Variants in LDLRAD4 observed in about 807,000 individuals in gnomAD.
LDLRAD4 encodes the protein low density lipoprotein receptor class A domain containing 4.
In LDLRAD4, 5 loss-of-function variants were observed where a neutral mutation model predicts 17.0. The observed-to-expected ratio is 0.29, with a 90% CI of 0.15 to 0.62. LDLRAD4 has a LOEUF of 0.62. Ranked by LOEUF, LDLRAD4 falls within the 20% of genes least tolerant of loss-of-function variation. The probability of loss-of-function intolerance (pLI) is 0.84; values close to 1 mark genes in which losing one functional copy is unlikely to be tolerated. For missense variants in LDLRAD4, 340 were observed against 424.7 expected, an observed-to-expected ratio of 0.80 and a Z score of 1.75; for synonymous variants, 168 against 171.8, an observed-to-expected ratio of 0.98 and a Z score of 0.17.
At chr18:13,262,475 G>A (rs2043922871) in intron 1 of LDLRAD4, among the ~76,000 whole-genome samples, 1 of 137,142 alleles carries the variant, frequency 7.3e-6, no homozygotes, top group Non-Finnish European at 1.5e-5. Flanking sequence ...CGTGGGGGCT[G>A]AGTCCCGTGC....
intron 1 of LDLRAD4, among the ~76,000 whole-genome samples, chr18:13,234,701 G>T (rs138601046): frequency 1.9e-3 from 288 of 152,306 alleles, no homozygotes; most frequent in African/African-American, 6.4e-3. Flanking sequence ...AGCAGTGAGA[G>T]AGATGAGCCG....
intron 3 of LDLRAD4, among the ~76,000 whole-genome samples, chr18:13,545,690 C>G (rs150101674): frequency 6.6e-6 from 1 of 152,104 alleles, no homozygotes; most frequent in Non-Finnish European, 1.5e-5. Flanking sequence ...GGGAAACTGG[C>G]GGGGCAGGAA....
At chr18:13,588,893 C>T (rs78854413) in intron 3 of LDLRAD4, among the ~76,000 whole-genome samples, 4,017 of 151,710 alleles carry the variant, frequency 0.026, 102 homozygotes, top group African/African-American at 0.068. Flanking sequence ...TCATCTAGCA[C>T]TCTGCCATCT....
chr18:13,643,366 G>T, exon 5 of LDLRAD4: 1 of 1,451,082 alleles, frequency 6.9e-7, no homozygotes, highest in Non-Finnish European at 9.1e-7. Flanking sequence ...CAGGAAGGGT[G>T]CCTGTGGCCT....
At chr18:13,492,295 C>T (rs757807732) in intron 3 of LDLRAD4, among the ~76,000 whole-genome samples, 4 of 152,234 alleles carry the variant, frequency 2.6e-5, no homozygotes, top group African/African-American at 4.8e-5. Flanking sequence ...CCCCTATTCC[C>T]GGGCTGTTGA....
intron 1 of LDLRAD4, among the ~76,000 whole-genome samples, chr18:13,331,429 G>T (rs1414356192): frequency 6.6e-6 from 1 of 152,080 alleles, no homozygotes; most frequent in African/African-American, 2.4e-5. Context: ...GATGTTAAAA[G>T]AAAAAGAAAG....
At chr18:13,611,979 G>A (rs1472252958) in intron 3 of LDLRAD4, 18 of 985,322 alleles carry the variant, frequency 1.8e-5, no homozygotes, top group Non-Finnish European at 2.2e-5. Flanking sequence ...GCTCCCAGCC[G>A]GGCGAGCACG....
rs189378999 is a variant in LDLRAD4 at position 13,349,400 on chromosome 18, A to G, written c.-382-37941A>G. On this transcript the variant is annotated intron_variant, in intron 1 of 5. Coordinates refer to ENST00000359446, the Ensembl canonical transcript of LDLRAD4. ...TGTCTTTTAAGTCCTTTAGAAGAAT[A>G]AAAAGTGGAGTTACAGACCAAAATT... 2.1e-3 allele frequency among the ~76,000 whole-genome samples: 325 copies of G among 152,344 alleles called. 7 individuals carry two copies. Among genetic ancestry groups the G allele is most frequent in the Admixed American group, 0.015 (226 of 15,304 alleles).
chr18:13,305,083 C>T (rs912902288), intron 1 of LDLRAD4, among the ~76,000 whole-genome samples: 13 of 151,256 alleles, frequency 8.6e-5, no homozygotes, highest in African/African-American at 2.7e-4. Flanking sequence ...ATATGAATCT[C>T]GTAGCCTAGA....
chr18:13,254,033 A>T (rs1028150525), intron 1 of LDLRAD4, among the ~76,000 whole-genome samples: 2 of 152,190 alleles, frequency 1.3e-5, no homozygotes, highest in Non-Finnish European at 2.9e-5. Context: ...GTCAATGCAG[A>T]CCTGCTGCTG....
chr18:13,479,184 C>T (rs2093022902), intron 3 of LDLRAD4, among the ~76,000 whole-genome samples: 1 of 152,036 alleles, frequency 6.6e-6, no homozygotes, highest in Non-Finnish European at 1.5e-5. Flanking sequence ...TAGAAGATAA[C>T]ATAGGAGAAA....
At chr18:13,290,315 G>A (rs1315206971) in intron 1 of LDLRAD4, among the ~76,000 whole-genome samples, 1 of 152,172 alleles carries the variant, frequency 6.6e-6, no homozygotes. Flanking sequence ...TAAAATGTTT[G>A]GCTTGCAGAT....
chr18:13,408,794 T>C (rs1485764222), intron 2 of LDLRAD4, among the ~76,000 whole-genome samples: 1 of 152,198 alleles, frequency 6.6e-6, no homozygotes, highest in East Asian at 1.9e-4. Context: ...GCTTGGAAGT[T>C]AGGATGCCTT....
intron 2 of LDLRAD4, among the ~76,000 whole-genome samples, chr18:13,397,081 A>C (rs562677719): frequency 6.6e-6 from 1 of 152,242 alleles, no homozygotes; most frequent in East Asian, 1.9e-4. Context: ...GGGTCCGCCA[A>C]CCCTGAGGGA....
chr18:13,554,303 C>T (rs1266520364), intron 3 of LDLRAD4, among the ~76,000 whole-genome samples: 1 of 152,072 alleles, frequency 6.6e-6, no homozygotes, highest in Non-Finnish European at 1.5e-5. Context: ...AAAGTTAGCC[C>T]ATAGCAATGT....
rs2082799925 is a variant in LDLRAD4, at chr18:13,348,006, C to T, written c.-382-39335C>T. Among the ~76,000 whole-genome samples, 3 of 152,122 alleles carry T rather than the reference C, an allele frequency of 2.0e-5. No homozygotes were observed. The South Asian group carries it at 6.2e-4, about 32-fold the overall frequency. ...TTTTCAAGGTTTTTAACTTCTTTGCCACGGGTTCGAAATTCCTCCATTAGC... is the reference window on the plus strand; with the variant it reads ...TTTTCAAGGTTTTTAACTTCTTTGCTACGGGTTCGAAATTCCTCCATTAGC... On this transcript the variant is annotated intron_variant, in intron 1 of 5. Coordinates refer to ENST00000359446, the Ensembl canonical transcript of LDLRAD4.
chr18:13,643,255 T>A, intron 4 of LDLRAD4, 104 bp from the exon 6 acceptor site: 2 of 722,880 alleles, frequency 2.8e-6, no homozygotes, highest in Non-Finnish European at 2.2e-6. Context: ...TTTATGCAGA[T>A]CCCCGTTTCC....
intron 3 of LDLRAD4, among the ~76,000 whole-genome samples, chr18:13,454,934 C>T (rs945474279): frequency 4.6e-5 from 7 of 152,242 alleles, no homozygotes; most frequent in African/African-American, 1.4e-4. Flanking sequence ...TCACCTGCGG[C>T]GGGAGCAGGG....
intron 1 of LDLRAD4, among the ~76,000 whole-genome samples, chr18:13,266,274 G>A (rs541308116): frequency 1.3e-4 from 20 of 152,184 alleles, no homozygotes; most frequent in Non-Finnish European, 2.8e-4. Context: ...TACAGAGTCC[G>A]CATAAGCCCT....
Sources: allele counts gnomAD v4.1 joint callset (sites outside exome capture counted in the v4.1 genomes callset), GRCh38; gene constraint gnomAD v4.1.1; transcripts MANE v1.5; gene names NCBI Gene and HGNC (gene_info 2026-07-23, HGNC 2026-07-21).